VTI1B: variants seen among roughly 807,000 people sequenced by gnomAD.
VTI1B encodes the protein vesicle transport through interaction with t-SNAREs 1B, also known as vesicle transport through interaction with t-SNAREs homolog 1B.
A neutral mutation model predicts 28.6 loss-of-function variants in VTI1B; 18 were observed. The observed-to-expected ratio is 0.63, with a 90% CI of 0.43 to 0.93. VTI1B has a LOEUF of 0.93. VTI1B is among the 40% of genes least tolerant of loss of function. The pLI is 0.00. For synonymous variants in VTI1B, 100 were observed against 107.9 expected, an observed-to-expected ratio of 0.93 and a Z score of 0.46; for missense variants, 283 against 297.0, an observed-to-expected ratio of 0.95 and a Z score of 0.35.
intron 1 of VTI1B, among the ~76,000 whole-genome samples, chr14:67,673,086 G>A (rs1034260184): frequency 1.3e-5 from 2 of 152,092 alleles, no homozygotes; most frequent in Non-Finnish European, 2.9e-5. Context: ...TTTCACAACC[G>A]CCCTATTTAA....
chr14:67,669,502 T>C (rs1267857319), intron 1 of VTI1B, among the ~76,000 whole-genome samples: 2 of 151,632 alleles, frequency 1.3e-5, no homozygotes, highest in Non-Finnish European at 2.9e-5. Flanking sequence ...CTTGGCCTCA[T>C]GCAATCCTCC....
chr14:67,664,447 C>T (rs1396553351), intron 1 of VTI1B, among the ~76,000 whole-genome samples: 1 of 151,882 alleles, frequency 6.6e-6, no homozygotes, highest in Non-Finnish European at 1.5e-5. Context: ...ATGTATTTTT[C>T]AATGTGACTC....
In VTI1B at chr14:67,648,447, T is replaced by C; in HGVS notation, c.*2938A>G. The C allele has an allele frequency of 3.4e-6, 1 of 294,964 alleles. No individual in the cohort carries two copies. Among genetic ancestry groups the C allele is most frequent in the Non-Finnish European group, 6.3e-6 (1 of 159,652 alleles). The allele number at this position is 294,964 out of a possible 1,614,324, so 18.3% of individuals were successfully genotyped here. A position where few individuals can be genotyped will look rare whatever the true frequency, so the allele number is the denominator to read the frequency against. The stretch of plus-strand genomic sequence containing the variant: ...TTAAACAATTAAATACAAGAATAAA[T>C]TGTCAAACTGATGCAGTTCTTTGAG... On this transcript the variant is annotated 3_prime_UTR_variant, in exon 6 of 6. Transcript: ENST00000554659.
chr14:67,659,624 AGAGTCTAGTATACACT>A (rs2037310164), intron 3 of VTI1B, 91 bp downstream of exon 3: 1 of 1,130,190 alleles, frequency 8.8e-7, no homozygotes, highest in East Asian at 2.7e-5. Context: ...AAATGAAACA[AGAGTCTAGTATACACT>A]GATAACATGA....
At chr14:67,661,806 T>C (rs1446743355) in intron 2 of VTI1B, among the ~76,000 whole-genome samples, 1 of 152,136 alleles carries the variant, frequency 6.6e-6, no homozygotes, top group South Asian at 2.1e-4. Flanking sequence ...AGTGTTGGGA[T>C]TGCAAGCGTG....
In VTI1B at chr14:67,662,497, G is replaced by C; in HGVS notation, c.154C>G (p.Gln52Glu). The change falls in exon 2 of 6, where the codon CAA becomes GAA. Residue 52 changes from glutamine to glutamate, a missense_variant. Coordinates refer to ENST00000554659, the MANE Select transcript of VTI1B (RefSeq NM_006370.3). ...CTCACCGTTTCATTTGCTTCCTGTT[G>C]CTTTTCATCAAAATCCCTGATCAAT... is the stretch of plus-strand genomic sequence containing the variant. ...KKLIRDFDEK[Q>E]QEANETLAEM... 6.2e-7 allele frequency: 1 copy of C among 1,611,996 alleles called. No homozygotes were observed. The highest frequency in any genetic ancestry group is 8.5e-7 in the Non-Finnish European group (1 of 1,179,404).
Position 67,662,483 on chromosome 14 carries a change from A to G in VTI1B, c.168T>C (p.Asn56=). 1.2e-6 allele frequency: 2 copies of G among 1,612,368 alleles called. No individual in the cohort carries two copies. The highest frequency in any genetic ancestry group is 2.2e-5 in the East Asian group (1 of 44,796). The change falls in exon 2 of 6, where the codon AAT becomes AAC. Residue 56 remains asparagine, a synonymous_variant. Coordinates refer to ENST00000554659, the MANE Select transcript of VTI1B (RefSeq NM_006370.3). ...RDFDEKQQEA[N]ETLAEMEEEL... ...ATTTGTTCCTTGTTCTCACCGTTTCATTTGCTTCCTGTTGCTTTTCATCAA... is the reference window on the plus strand; with the variant it reads ...ATTTGTTCCTTGTTCTCACCGTTTCGTTTGCTTCCTGTTGCTTTTCATCAA...
intron 1 of VTI1B, among the ~76,000 whole-genome samples, chr14:67,663,826 G>C (rs2037369081): frequency 6.6e-6 from 1 of 152,104 alleles, no homozygotes; most frequent in Non-Finnish European, 1.5e-5. Context: ...TAGTCAGCGG[G>C]GTGAGGTTCT....
chr14:67,665,536 G>A (rs1238515043), intron 1 of VTI1B, among the ~76,000 whole-genome samples: 2 of 151,882 alleles, frequency 1.3e-5, no homozygotes, highest in Non-Finnish European at 2.9e-5. Flanking sequence ...CAAAGTGTTG[G>A]GACTACAGGT....
Position 67,647,203 on chromosome 14 carries a change from G to T in VTI1B, c.*4182C>A. ...TCATATTCTTCCTCTGGGGTTTTTGGGAGGAGGTTTCCTCTAAATCATTGC... is the reference window on the plus strand; with the variant it reads ...TCATATTCTTCCTCTGGGGTTTTTGTGAGGAGGTTTCCTCTAAATCATTGC... On this transcript the variant is annotated 3_prime_UTR_variant, in exon 6 of 6. Transcript: ENST00000554659. 2.0e-6 allele frequency: 1 copy of T among 504,310 alleles called. No homozygotes were observed. Among genetic ancestry groups the T allele is most frequent in the South Asian group, 3.4e-5 (1 of 29,668 alleles). 31.2% of individuals were successfully genotyped at this position (504,310 alleles called of 1,614,324 possible).
At chr14:67,660,779 T>C (rs1452285215) in intron 2 of VTI1B, among the ~76,000 whole-genome samples, 2 of 152,178 alleles carry the variant, frequency 1.3e-5, no homozygotes, top group South Asian at 2.1e-4. Flanking sequence ...GATTATTACT[T>C]TTGCTGAGTT....
intron 5 of VTI1B, chr14:67,652,619 A>ACT (rs2037198667): frequency 6.6e-6 from 1 of 151,994 alleles, no homozygotes; most frequent in Admixed American, 6.6e-5. Flanking sequence ...CAGCATCTTG[A>ACT]CTCAGTTACT....
intron 1 of VTI1B, chr14:67,662,918 AAAAG>A: frequency 7.8e-7 from 1 of 1,284,788 alleles, no homozygotes. Context: ...AAAAAAAAAA[AAAAG>A]AATGTTTACC....
intron 1 of VTI1B, among the ~76,000 whole-genome samples, chr14:67,666,584 C>G (rs2037404755): frequency 6.6e-6 from 1 of 152,142 alleles, no homozygotes; most frequent in South Asian, 2.1e-4. Flanking sequence ...TGATCTCTAC[C>G]CAACTGAGAG....
chr14:67,652,081 A>G (rs1378594132), intron 5 of VTI1B, among the ~76,000 whole-genome samples: 2 of 151,682 alleles, frequency 1.3e-5, no homozygotes, highest in African/African-American at 2.4e-5. Flanking sequence ...TGCTAGTTCC[A>G]TGAGTGGGTT....
intron 1 of VTI1B, among the ~76,000 whole-genome samples, chr14:67,665,040 A>G (rs575819765): frequency 6.6e-6 from 1 of 152,046 alleles, no homozygotes; most frequent in East Asian, 1.9e-4. Flanking sequence ...TAATTTTTCT[A>G]TTTTTTGGTA....
intron 1 of VTI1B, among the ~76,000 whole-genome samples, chr14:67,669,437 T>A (rs999881708): frequency 9.2e-6 from 1 of 108,560 alleles, no homozygotes; most frequent in South Asian, 2.7e-4. Flanking sequence ...ACTACTCAGC[T>A]TTTTTTTTTT....
At chr14:67,651,590 T>TTGATCACACAGCCACTTAGCA (rs1297073633) in intron 5 of VTI1B, 109 bp from the exon 6 acceptor site, 11 of 1,244,740 alleles carry the variant, frequency 8.8e-6, no homozygotes, top group Non-Finnish European at 1.1e-5. Context: ...GGCTGTATGT[T>TTGATCACACAGCCACTTAGCA]TGATCACACA....
At chr14:67,674,309 G>T (rs1594844019) in intron 1 of VTI1B, 66 bp downstream of exon 1, 8 of 1,395,990 alleles carry the variant, frequency 5.7e-6, no homozygotes, top group South Asian at 1.3e-5. Flanking sequence ...GGAGGAAGGT[G>T]GGAGAATCTT....
Sources: gnomAD v4.1 joint callset for allele counts (sites outside exome capture counted in the v4.1 genomes callset) on GRCh38, gnomAD v4.1.1 for gene constraint, MANE v1.5 for transcripts, NCBI Gene and HGNC (gene_info 2026-07-23, HGNC 2026-07-21) for gene names.